The following HACD2 variants were observed in gnomAD, a reference collection of about 807,000 sequenced individuals.
HACD2 encodes 3-hydroxyacyl-CoA dehydratase 2.
A neutral mutation model predicts 31.0 loss-of-function variants in HACD2; 15 were observed. That is an observed-to-expected ratio of 0.48 (90% CI 0.32 to 0.75). The LOEUF (loss-of-function observed/expected upper bound fraction) is 0.75, where lower values mean the gene tolerates loss of function less well. Among genes scored for constraint, HACD2 ranks in the 30% least tolerant of loss-of-function variants. The probability of loss-of-function intolerance (pLI) is 0.03; values close to 1 mark genes in which losing one functional copy is unlikely to be tolerated. For missense variants in HACD2, 283 were observed against 313.0 expected, an observed-to-expected ratio of 0.90 and a Z score of 0.72; for synonymous variants, 115 against 122.2, an observed-to-expected ratio of 0.94 and a Z score of 0.39.
At chr3:123,495,413 CACAG>C (rs956652559) in intron 6 of HACD2, among the ~76,000 whole-genome samples, 24 of 152,254 alleles carry the variant, frequency 1.6e-4, no homozygotes, top group African/African-American at 5.8e-4. Flanking sequence ...CACAGTAAGC[CACAG>C]ACAGAGTTGG....
chr3:123,542,681 T>C (rs551766891), intron 3 of HACD2, among the ~76,000 whole-genome samples: 1 of 152,370 alleles, frequency 6.6e-6, no homozygotes, highest in Middle Eastern at 3.4e-3. Context: ...AACAACTTGT[T>C]CTCCACTGAG....
At position 123,494,891 on chromosome 3, in the gene HACD2, T is replaced by C. The variant is rs1021795073; in HGVS notation, c.762A>G (p.Glu254=). The C allele has an allele frequency of 6.5e-7, 1 of 1,549,030 alleles. No homozygotes were observed. Among genetic ancestry groups the C allele is most frequent in the African/African-American group, 1.4e-5 (1 of 73,380 alleles). The change falls in exon 7 of 7, where the codon GAA becomes GAG. Residue 254 remains glutamate, a synonymous_variant. Coordinates refer to ENST00000383657, the MANE Select transcript of HACD2 (RefSeq NM_198402.5). ...LSHTEEHKKF[E] is the part of the protein sequence containing the mutation. ...TGGGAGGTGCAGAAAGCAGGAACTA[T>C]TCAAATTTCTTGTGTTCTTCAGTAT... is the stretch of plus-strand genomic sequence containing the variant.
At chr3:123,535,985 T>C (rs569220409) in intron 3 of HACD2, among the ~76,000 whole-genome samples, 2 of 152,326 alleles carry the variant, frequency 1.3e-5, no homozygotes, top group East Asian at 1.9e-4. Context: ...TTGTCTAGCA[T>C]TCAGAGATAA....
chr3:123,520,332 T>C (rs1180580802), intron 4 of HACD2, among the ~76,000 whole-genome samples: 1 of 152,104 alleles, frequency 6.6e-6, no homozygotes, highest in Non-Finnish European at 1.5e-5. Flanking sequence ...TAAGATAAAA[T>C]ATATGAAAAC....
At chr3:123,541,952 C>A (rs1056760680) in intron 3 of HACD2, among the ~76,000 whole-genome samples, 4 of 151,518 alleles carry the variant, frequency 2.6e-5, no homozygotes, top group African/African-American at 9.7e-5. Context: ...TCGAGACCAT[C>A]CCGGCTAAAA....
intron 3 of HACD2, among the ~76,000 whole-genome samples, chr3:123,559,453 T>C (rs142325480): frequency 1.0e-3 from 158 of 152,350 alleles, no homozygotes; most frequent in Middle Eastern, 0.01. Context: ...ACTCAGATCA[T>C]TGACATTCAT....
chr3:123,541,612 G>A (rs939324688), intron 3 of HACD2, among the ~76,000 whole-genome samples: 1 of 152,168 alleles, frequency 6.6e-6, no homozygotes, highest in African/African-American at 2.4e-5. Flanking sequence ...TTGGCTGTCA[G>A]AGTTGGAAAG....
rs182631195 is a variant in HACD2, at chr3:123,542,281, T to C, written c.293-13807A>G. ...AATGGCCACAATTAATAAACAAATA[T>C]ATGGAATTATATTCAACTCCACAAT... On this transcript the variant is annotated intron_variant, in intron 3 of 6. Transcript: ENST00000383657. 9.3e-5 allele frequency among the ~76,000 whole-genome samples: 14 copies of C among 150,274 alleles called. No individual in the cohort carries two copies. In the South Asian group the frequency reaches 1.0e-3, roughly 11 times the overall value.
In HACD2 at chr3:123,538,645, A is replaced by C. The variant is rs76283046; in HGVS notation, c.293-10171T>G. On this transcript the variant is annotated intron_variant, in intron 3 of 6. Transcript: ENST00000383657. ...TCCAGTGACATCCTACTAGTGGTCA[A>C]CTTACTCAAACTCAGCTATATGAAC... Among the ~76,000 whole-genome samples the C allele has an allele frequency of 1.0e-3, 153 of 152,314 alleles. 2 individuals are homozygous for C. Among genetic ancestry groups the C allele is most frequent in the African/African-American group, 3.5e-3 (146 of 41,572 alleles).
At chr3:123,511,632 G>C (rs1265498299) in intron 4 of HACD2, among the ~76,000 whole-genome samples, 1 of 152,166 alleles carries the variant, frequency 6.6e-6, no homozygotes. Flanking sequence ...CTAGCACCCA[G>C]AGGTATCTTT....
At chr3:123,542,243 C>A (rs145525079) in intron 3 of HACD2, among the ~76,000 whole-genome samples, 38 of 141,586 alleles carry the variant, frequency 2.7e-4, no homozygotes, top group African/African-American at 9.7e-4. Context: ...CATAAATAGA[C>A]AATTCACACA....
Position 123,528,568 on chromosome 3 carries a change from G to A in HACD2, c.293-94C>T, listed in dbSNP as rs2056313312. 5.1e-6 allele frequency: 4 copies of A among 788,558 alleles called. No individual in the cohort carries two copies. In the South Asian group the frequency reaches 6.2e-5, roughly 12 times the overall value. The allele number at this position is 788,558 out of a possible 1,614,324, so 48.8% of individuals were successfully genotyped here. A position where few individuals can be genotyped will look rare whatever the true frequency, so the allele number is the denominator to read the frequency against. On this transcript the variant is annotated intron_variant, in intron 3 of 6. Transcript: ENST00000383657. ...AAACATTCCAACTTAAATGTTTAGA[G>A]TCAAAACGGTCTTGAGCAACTGAAA...
At chr3:123,550,035 G>A (rs758929815) in intron 3 of HACD2, among the ~76,000 whole-genome samples, 4 of 152,142 alleles carry the variant, frequency 2.6e-5, no homozygotes, top group Non-Finnish European at 5.9e-5. Context: ...AAGGCTGAGT[G>A]TGGTAGCTCA....
intron 3 of HACD2, among the ~76,000 whole-genome samples, chr3:123,559,048 GC>G (rs2056700373): frequency 6.6e-6 from 1 of 152,216 alleles, no homozygotes; most frequent in African/African-American, 2.4e-5. Context: ...AATGTAGACA[GC>G]TCCAGCTTTT....
intron 3 of HACD2, among the ~76,000 whole-genome samples, chr3:123,565,875 G>T (rs983091807): frequency 6.6e-6 from 1 of 152,142 alleles, no homozygotes; most frequent in Non-Finnish European, 1.5e-5. Flanking sequence ...GGACTAAAAA[G>T]GAAATGCGTG....
chr3:123,545,169 G>A (rs796781893), intron 3 of HACD2, among the ~76,000 whole-genome samples: 6 of 138,768 alleles, frequency 4.3e-5, no homozygotes, highest in African/African-American at 1.6e-4. Flanking sequence ...CAATGTGTAT[G>A]TGTTACTTTA....
At chr3:123,508,982 C>T (rs1283876634) in intron 4 of HACD2, among the ~76,000 whole-genome samples, 2 of 152,102 alleles carry the variant, frequency 1.3e-5, no homozygotes, top group Non-Finnish European at 1.5e-5. Context: ...GCTCCACCTC[C>T]GCATGACCTC....
intron 4 of HACD2, among the ~76,000 whole-genome samples, chr3:123,519,939 T>A (rs946957475): frequency 6.6e-6 from 1 of 152,352 alleles, no homozygotes. Flanking sequence ...GAAATGAGAA[T>A]CTTCAAACTC....
intron 4 of HACD2, among the ~76,000 whole-genome samples, chr3:123,517,576 C>T (rs940738954): frequency 5.9e-5 from 9 of 152,106 alleles, no homozygotes; most frequent in Non-Finnish European, 1.3e-4. Context: ...ACTGTGGCCC[C>T]AAGAAAAGAG....
Sources: allele counts gnomAD v4.1 joint callset (sites outside exome capture counted in the v4.1 genomes callset), GRCh38; gene constraint gnomAD v4.1.1; transcripts MANE v1.5; gene names NCBI Gene and HGNC (gene_info 2026-07-23, HGNC 2026-07-21).